DHRSX: variants seen among roughly 807,000 people sequenced by gnomAD.
DHRSX encodes the protein dehydrogenase/reductase X-linked.
In DHRSX, 31 loss-of-function variants were observed where a neutral mutation model predicts 34.0. The ratio of observed to expected loss-of-function variants is 0.91; its 90% CI spans 0.69 to 1.23. The LOEUF (loss-of-function observed/expected upper bound fraction) is 1.23. Ranked by LOEUF, DHRSX falls within the 50% of genes most tolerant of loss-of-function variation. DHRSX has a pLI of 0.00. For synonymous variants in DHRSX, 201 were observed against 183.8 expected, an observed-to-expected ratio of 1.09 and a Z score of -0.76; for missense variants, 414 against 428.1, an observed-to-expected ratio of 0.97 and a Z score of 0.29.
intron 3 of DHRSX, among the ~76,000 whole-genome samples, chrX:2,333,432 A>G (rs1308020805): frequency 6.6e-6 from 1 of 152,144 alleles, no homozygotes; most frequent in African/African-American, 2.4e-5. Flanking sequence ...GATATGCAGT[A>G]GAGACAGAGT....
chrX:2,262,406 C>A (rs574330085), intron 5 of DHRSX, among the ~76,000 whole-genome samples: 15 of 152,196 alleles, frequency 9.9e-5, no homozygotes, highest in South Asian at 4.1e-4. Context: ...TCTGTGCACA[C>A]TGGCACGCAC....
rs190652036 is a variant in DHRSX, at chrX:2,446,526, C to A, written c.110-21222G>T. Among the ~76,000 whole-genome samples, 533 of 146,938 alleles carry A rather than the reference C, an allele frequency of 3.6e-3. 3 individuals carry two copies. The highest frequency in any genetic ancestry group is 0.013 in the African/African-American group (509 of 39,764). ...ACACTGAAGATGGTCCCTAACAATG[C>A]GGCCAAGAGACCACCGCCATGTACA... On this transcript the variant is annotated intron_variant, in intron 1 of 6. Coordinates refer to ENST00000334651, the MANE Select transcript of DHRSX (RefSeq NM_145177.3).
chrX:2,238,530 G>A (rs2016067505), intron 6 of DHRSX, among the ~76,000 whole-genome samples: 1 of 151,910 alleles, frequency 6.6e-6, no homozygotes, highest in Non-Finnish European at 1.5e-5. Flanking sequence ...AGATATGTAT[G>A]TCACACAGAT....
At chrX:2,403,696 A>C (rs1039117999) in intron 3 of DHRSX, among the ~76,000 whole-genome samples, 1 of 152,078 alleles carries the variant, frequency 6.6e-6, no homozygotes, top group Non-Finnish European at 1.5e-5. Context: ...CTCTACTAAA[A>C]ATACAAAAAA....
chrX:2,252,704 T>C (rs1461477087), intron 5 of DHRSX, among the ~76,000 whole-genome samples: 6 of 152,140 alleles, frequency 3.9e-5, no homozygotes, highest in Admixed American at 3.3e-4. Context: ...GAAAAGCCAA[T>C]ACATTTCTCT....
At chrX:2,298,601 TACACACACACACAC>T (rs747078260) in intron 3 of DHRSX, among the ~76,000 whole-genome samples, 58 of 131,592 alleles carry the variant, frequency 4.4e-4, no homozygotes, top group Admixed American at 4.8e-4. Flanking sequence ...GGCGCGTGTG[TACACACACACACAC>T]ACACACACAC....
chrX:2,283,343 C>T (rs1370520223), intron 4 of DHRSX, among the ~76,000 whole-genome samples: 3 of 152,006 alleles, frequency 2.0e-5, no homozygotes, highest in Admixed American at 6.6e-5. Flanking sequence ...GAAACCACTA[C>T]GGAACAGAAA....
chrX:2,237,622 A>G (rs766098732), intron 6 of DHRSX, among the ~76,000 whole-genome samples: 4 of 151,656 alleles, frequency 2.6e-5, no homozygotes, highest in African/African-American at 9.7e-5. Context: ...CTCCTGCCTC[A>G]GCCTCCTGAG....
At chrX:2,428,324 T>C (rs1023212083) in intron 1 of DHRSX, among the ~76,000 whole-genome samples, 60 of 152,204 alleles carry the variant, frequency 3.9e-4, no homozygotes, top group Non-Finnish European at 5.3e-4. Flanking sequence ...CACACACGTA[T>C]GTTTATTGCA....
At chrX:2,248,044 T>A (rs1430220794) in intron 5 of DHRSX, among the ~76,000 whole-genome samples, 1 of 152,156 alleles carries the variant, frequency 6.6e-6, no homozygotes, top group Non-Finnish European at 1.5e-5. Flanking sequence ...ACGGCTATAA[T>A]CCCGGCACTT....
At chrX:2,367,816 C>G (rs1433746306) in intron 3 of DHRSX, among the ~76,000 whole-genome samples, 1 of 152,094 alleles carries the variant, frequency 6.6e-6, no homozygotes, top group Admixed American at 6.6e-5. Context: ...TCAAATTATT[C>G]TCTGCGTCTT....
intron 4 of DHRSX, among the ~76,000 whole-genome samples, chrX:2,282,841 GGA>G (rs1242063502): frequency 2.3e-5 from 3 of 131,050 alleles, no homozygotes; most frequent in Admixed American, 7.4e-5. Flanking sequence ...AGGGAGAAAG[GGA>G]GAGAGAGAAG....
intron 3 of DHRSX, among the ~76,000 whole-genome samples, chrX:2,323,821 G>A (rs921753315): frequency 6.6e-6 from 1 of 151,254 alleles, no homozygotes; most frequent in African/African-American, 2.4e-5. Flanking sequence ...GGTGATAGGT[G>A]GTTACTAATT....
chrX:2,312,409 T>A lies in DHRSX; in HGVS notation c.287-20806A>T, dbSNP rs149972069. Among the ~76,000 whole-genome samples, 311 of 152,082 alleles carry A rather than the reference T, an allele frequency of 2.0e-3. 1 individual carries two copies. Among genetic ancestry groups the A allele is most frequent in the African/African-American group, 7.3e-3 (301 of 41,480 alleles). On this transcript the variant is annotated intron_variant, in intron 3 of 6. Coordinates refer to ENST00000334651, the MANE Select transcript of DHRSX (RefSeq NM_145177.3). ...CTATGCAGCCATAAAAAAGGATGAG[T>A]TCATGTCCTTTGCAGGGACATGGAT...
chrX:2,337,119 A>G (rs990284400), intron 3 of DHRSX, among the ~76,000 whole-genome samples: 3 of 152,090 alleles, frequency 2.0e-5, no homozygotes, highest in African/African-American at 7.2e-5. Context: ...TGCTCTTTCT[A>G]TGTAAAACCA....
chrX:2,412,992 C>G (rs888353227), intron 2 of DHRSX, among the ~76,000 whole-genome samples: 7 of 152,066 alleles, frequency 4.6e-5, no homozygotes, highest in Non-Finnish European at 1.0e-4. Flanking sequence ...GTCAAGAGAT[C>G]GAGACCATCC....
At position 2,466,213 on chromosome X, in the gene DHRSX, CA is replaced by C. The variant is rs111835590; in HGVS notation, c.109+34603del. ...CAGCACTTTGGGAGGCCGAGGCAGG[CA>C]GATTACCTGAGGTCGGTAGCTCAAG... On this transcript the variant is annotated intron_variant, in intron 1 of 6. Coordinates refer to ENST00000334651, the MANE Select transcript of DHRSX (RefSeq NM_145177.3). Among the ~76,000 whole-genome samples, 316 of 152,172 alleles carry C rather than the reference CA, an allele frequency of 2.1e-3. 3 individuals are homozygous for C. Among genetic ancestry groups the C allele is most frequent in the African/African-American group, 6.3e-3 (261 of 41,520 alleles).
chrX:2,248,378 A>G lies in DHRSX; in HGVS notation c.597-5148T>C, dbSNP rs773383121. Among the ~76,000 whole-genome samples the G allele has an allele frequency of 2.0e-5, 3 of 150,176 alleles. No individual in the cohort carries two copies. In the East Asian group the frequency reaches 5.9e-4, roughly 30 times the overall value. ...AACCCAGGAGGCGGAGCTTGCAGTG[A>G]GTGGAGATTGCGCCACTGCATTCCA... is the stretch of plus-strand genomic sequence containing the variant. On this transcript the variant is annotated intron_variant, in intron 5 of 6. Coordinates refer to ENST00000334651, the MANE Select transcript of DHRSX (RefSeq NM_145177.3).
At chrX:2,352,821 T>A (rs1569492739) in intron 3 of DHRSX, among the ~76,000 whole-genome samples, 1 of 152,164 alleles carries the variant, frequency 6.6e-6, no homozygotes, top group African/African-American at 2.4e-5. Context: ...GGGACCAGCA[T>A]GGGCATTCGG....
Sources: gnomAD v4.1 joint callset for allele counts (sites outside exome capture counted in the v4.1 genomes callset) on GRCh38, gnomAD v4.1.1 for gene constraint, MANE v1.5 for transcripts, NCBI Gene and HGNC (gene_info 2026-07-23, HGNC 2026-07-21) for gene names.